SLC17A3: variants seen among roughly 807,000 people sequenced by gnomAD.
SLC17A3 encodes the protein sodium-dependent phosphate transport protein 4.
Under a neutral mutation model 60.3 loss-of-function variants are expected in SLC17A3, and 61 were observed. That is an observed-to-expected ratio of 1.01 (90% CI 0.82 to 1.25). The LOEUF is 1.25. SLC17A3 is among the 50% of genes most tolerant of loss of function. The pLI is 0.00. For missense variants in SLC17A3, 624 were observed against 594.9 expected (o/e 1.05, Z -0.51); for synonymous variants, 192 against 208.9 (o/e 0.92, Z 0.70).
intron 2 of SLC17A3, among the ~76,000 whole-genome samples, chr6:25,865,821 A>G (rs1352688009): frequency 6.6e-6 from 1 of 151,954 alleles, no homozygotes; most frequent in Non-Finnish European, 1.5e-5. Context: ...ACCCCTAGCT[A>G]TACAAGAATG....
chr6:25,853,584 A>AT (rs766553756), intron 6 of SLC17A3, among the ~76,000 whole-genome samples: 14 of 151,128 alleles, frequency 9.3e-5, no homozygotes, highest in Non-Finnish European at 1.5e-4. Flanking sequence ...CGCCTGGCTA[A>AT]TTTTTTTGTA....
Position 25,849,800 on chromosome 6 carries a change from C to T in SLC17A3, c.1271+5G>A. 1 of 1,613,396 alleles carries T rather than the reference C, an allele frequency of 6.2e-7. No homozygotes were observed. ...TGAAACTGATAGTGGAGATCAGAGT[C>T]CTACCTTGGAGCAATATCTAAGACA... On this transcript the variant is annotated splice_donor_5th_base_variant and intron_variant, in intron 10 of 12. Transcript: ENST00000397060.
intron 5 of SLC17A3, among the ~76,000 whole-genome samples, chr6:25,858,118 C>T (rs1184802): frequency 0.24 from 36,876 of 151,852 alleles, 4,664 homozygotes; most frequent in African/African-American, 0.29. Flanking sequence ...TGGGTTCAAG[C>T]GATTCTCATG....
Position 25,861,630 on chromosome 6 carries a change from A to G in SLC17A3, c.619T>C (p.Leu207=). Residue 207 remains leucine, a synonymous_variant, in exon 5 of 13, where the codon TTA becomes CTA. Coordinates refer to ENST00000397060, the MANE Select transcript of SLC17A3 (RefSeq NM_001098486.2). ...TTGGATTACATGTCCTTACCTGATA[A>G]AGCAATGCTGCAGAGTCTGCTTCGT... The part of the protein sequence containing the change: ...QERSRLCSIA[L]SGMLLGCFTA... 6.2e-7 allele frequency: 1 copy of G among 1,613,864 alleles called. No homozygotes were observed. Among genetic ancestry groups the G allele is most frequent in the African/African-American group, 1.3e-5 (1 of 75,028 alleles).
At chr6:25,849,229 T>C in intron 11 of SLC17A3, 145 bp downstream of exon 11, 1 of 662,578 alleles carries the variant, frequency 1.5e-6, no homozygotes. Context: ...AAGAAATGAT[T>C]CTATATTTTT....
intron 11 of SLC17A3, among the ~76,000 whole-genome samples, chr6:25,847,411 C>A (rs1319479988): frequency 6.6e-6 from 1 of 152,078 alleles, no homozygotes; most frequent in African/African-American, 2.4e-5. Flanking sequence ...AATTTACATT[C>A]TTTTGGGTAT....
rs1373586209 is a variant in SLC17A3, at chr6:25,859,650, T to A, written c.625+1974A>T. 3.3e-5 allele frequency among the ~76,000 whole-genome samples: 5 copies of A among 152,290 alleles called. No individual in the cohort carries two copies. The East Asian group carries it at 9.7e-4, about 29-fold the overall frequency. ...CCTTGTGTTTTTCCCATACAGCAAG[T>A]GCATGTCATTGGCCCTGATGCCTTT... On this transcript the variant is annotated intron_variant, in intron 5 of 12. Coordinates refer to ENST00000397060, the MANE Select transcript of SLC17A3 (RefSeq NM_001098486.2).
rs6941661 is a variant in SLC17A3, at chr6:25,863,267, T to C, written c.92-823A>G. Among the ~76,000 whole-genome samples, 1,323 of 152,170 alleles carry C rather than the reference T, an allele frequency of 8.7e-3. 10 individuals carry two copies. Among genetic ancestry groups the C allele is most frequent in the African/African-American group, 0.028 (1,183 of 41,528 alleles). On this transcript the variant is annotated intron_variant, in intron 2 of 12. Transcript: ENST00000397060. ...ATCTGGGGAAAGAATCAGATGAGAT[T>C]GAATGGTATAAAAGTTTCAAAGGTT... is the stretch of plus-strand genomic sequence containing the variant.
At chr6:25,855,339 A>G in intron 5 of SLC17A3, 109 bp from the exon 6 acceptor site, 2 of 752,726 alleles carry the variant, frequency 2.7e-6, no homozygotes, top group South Asian at 3.1e-5. Flanking sequence ...CCATAAGGAG[A>G]CGAGCATATT....
At chr6:25,868,483 T>G in intron 1 of SLC17A3, 63 bp from the exon 2 acceptor site, 2 of 1,102,992 alleles carry the variant, frequency 1.8e-6, no homozygotes. Context: ...CGTTGAAATA[T>G]TTAAACAAGG....
intron 2 of SLC17A3, among the ~76,000 whole-genome samples, chr6:25,867,355 C>T (rs1191947250): frequency 1.3e-5 from 2 of 151,882 alleles, no homozygotes; most frequent in African/African-American, 4.8e-5. Flanking sequence ...ATCACCTCCT[C>T]TTCTGCTCAA....
At chr6:25,868,272 A>G in intron 2 of SLC17A3, 25 bp downstream of exon 2, 1 of 1,567,090 alleles carries the variant, frequency 6.4e-7, no homozygotes, top group African/African-American at 1.4e-5. Flanking sequence ...AAATCCTAAA[A>G]CCAAGCAGTT....
intron 6 of SLC17A3, among the ~76,000 whole-genome samples, chr6:25,851,986 T>A (rs1190204160): frequency 6.6e-6 from 1 of 152,196 alleles, no homozygotes; most frequent in Non-Finnish European, 1.5e-5. Flanking sequence ...AATCGTACTG[T>A]TCTCTTTAAT....
At position 25,861,533 on chromosome 6, in the gene SLC17A3, A is replaced by G. The variant is rs554009999; in HGVS notation, c.625+91T>C. The G allele has an allele frequency of 8.6e-5, 83 of 969,398 alleles. No individual in the cohort carries two copies. In the African/African-American group the frequency reaches 1.1e-3, roughly 13 times the overall value. The allele number at this position is 969,398 out of a possible 1,614,324, so 60.0% of individuals were successfully genotyped here. A position where few individuals can be genotyped will look rare whatever the true frequency, so the allele number is the denominator to read the frequency against. On this transcript the variant is annotated intron_variant, in intron 5 of 12. Transcript: ENST00000397060. Reference sequence around the variant, plus strand: ...AAAATACTTCACTGACATTGAGCAGATGATGAGGAACTATGCAATGAAAAG... The same window carrying G: ...AAAATACTTCACTGACATTGAGCAGGTGATGAGGAACTATGCAATGAAAAG...
At position 25,849,333 on chromosome 6, in the gene SLC17A3, G is replaced by C. The variant is rs750636808; in HGVS notation, c.1362+41C>G. On this transcript the variant is annotated intron_variant, in intron 11 of 12. Coordinates refer to ENST00000397060, the MANE Select transcript of SLC17A3 (RefSeq NM_001098486.2). ...GCTATCACCTTTATAAGTGGATTTAGCAGAGCATCTTTGGAGTCCTTCATG... is the reference window on the plus strand; with the variant it reads ...GCTATCACCTTTATAAGTGGATTTACCAGAGCATCTTTGGAGTCCTTCATG... The C allele has an allele frequency of 3.6e-6, 4 of 1,098,554 alleles. No homozygotes were observed. The African/African-American group carries it at 4.7e-5, about 13-fold the overall frequency. The allele number at this position is 1,098,554 out of a possible 1,614,324, so 68.1% of individuals were successfully genotyped here. A position where few individuals can be genotyped will look rare whatever the true frequency, so the allele number is the denominator to read the frequency against.
At position 25,845,268 on chromosome 6, in the gene SLC17A3, C is replaced by CCTT. The variant is rs1765152811; in HGVS notation, c.*32_*33insAAG. The CCTT allele has an allele frequency of 3.2e-6, 4 of 1,266,700 alleles. No individual in the cohort carries two copies. In the Admixed American group the frequency reaches 6.8e-5, roughly 22 times the overall value. The allele number at this position is 1,266,700 out of a possible 1,614,324, so 78.5% of individuals were successfully genotyped here. ...GCCTTCTATTTTATGCAATACGGTGCCTAATGACTTTTCCATCCAAGGTGG... is the reference window on the plus strand; with the variant it reads ...GCCTTCTATTTTATGCAATACGGTGCCTTCTAATGACTTTTCCATCCAAGGTGG... On this transcript the variant is annotated 3_prime_UTR_variant, in exon 13 of 13. Transcript: ENST00000397060.
rs1324654523 is a variant in SLC17A3 at position 25,849,412 on chromosome 6, C to T, written c.1324G>A (p.Val442Ile). ...AATCCACTGACAGTGGGTACAATGA[C>T]AGGTGCTATGCTCGAAAATCCTCTT... ...ASRGFSSIAP[V>I]IVPTVSGFLL... The change falls in exon 11 of 13, where the codon GTC becomes ATC. Residue 442 changes from valine (V) to isoleucine (I), a missense_variant. Physicochemically the swap from Val to Ile is conservative, Grantham distance 29 (BLOSUM62 3). Transcript: ENST00000397060. The T allele has an allele frequency of 1.2e-6, 2 of 1,612,906 alleles. No individual in the cohort carries two copies. The highest frequency in any genetic ancestry group is 3.3e-5 in the Admixed American group (2 of 60,010).
chr6:25,864,938 G>C (rs1403008844), intron 2 of SLC17A3, among the ~76,000 whole-genome samples: 2 of 151,950 alleles, frequency 1.3e-5, no homozygotes, highest in African/African-American at 4.8e-5. Flanking sequence ...GAAAAGGAAT[G>C]GGTGGTGGGA....
chr6:25,850,915 T>C lies in SLC17A3; in HGVS notation c.713-38A>G. 2.6e-6 allele frequency: 4 copies of C among 1,511,758 alleles called. No individual in the cohort carries two copies. In the South Asian group the frequency reaches 3.4e-5, roughly 13 times the overall value. 93.6% of individuals were successfully genotyped at this position (1,511,758 alleles called of 1,614,324 possible). A position where few individuals can be genotyped will look rare whatever the true frequency, so the allele number is the denominator to read the frequency against. Reference sequence around the variant, plus strand: ...GGTAAATTTGGTAAATGGGCTGTTTTCTGCTTTTTGGGTGAACTTCTTTTA... The same window carrying C: ...GGTAAATTTGGTAAATGGGCTGTTTCCTGCTTTTTGGGTGAACTTCTTTTA... On this transcript the variant is annotated intron_variant, in intron 6 of 12. Transcript: ENST00000397060.
Sources: allele counts gnomAD v4.1 joint callset (sites outside exome capture counted in the v4.1 genomes callset), GRCh38; gene constraint gnomAD v4.1.1; transcripts MANE v1.5; gene names NCBI Gene and HGNC (gene_info 2026-07-23, HGNC 2026-07-21).